PREX1: variants seen among roughly 807,000 people sequenced by gnomAD.
The protein encoded by PREX1 is phosphatidylinositol 3,4,5-trisphosphate-dependent Rac exchanger 1 protein.
A neutral mutation model predicts 198.3 loss-of-function variants in PREX1; 41 were observed. That is an observed-to-expected ratio of 0.21 (90% confidence interval 0.16 to 0.27). The LOEUF is 0.27. Ranked by LOEUF, PREX1 falls within the 10% of genes least tolerant of loss-of-function variation. The probability of loss-of-function intolerance (pLI) is 1.00; values close to 1 mark genes in which losing one functional copy is unlikely to be tolerated. For synonymous variants in PREX1, 843 were observed against 887.2 expected (o/e 0.95, Z 0.89); for missense variants, 1,620 against 2,200.7 (o/e 0.74, Z 5.28).
intron 31 of PREX1, among the ~76,000 whole-genome samples, chr20:48,636,940 A>G (rs1360449763): frequency 6.6e-6 from 1 of 152,214 alleles, no homozygotes; most frequent in Non-Finnish European, 1.5e-5. Context: ...CCAAACAAAC[A>G]AACAAACATC....
At chr20:48,670,008 C>A (rs191152599) in intron 14 of PREX1, among the ~76,000 whole-genome samples, 2 of 152,304 alleles carry the variant, frequency 1.3e-5, no homozygotes, top group Non-Finnish European at 2.9e-5. Flanking sequence ...TTCACTCAGA[C>A]TGTATGGTTG....
intron 6 of PREX1, among the ~76,000 whole-genome samples, chr20:48,705,879 AG>A (rs1260005402): frequency 6.6e-6 from 1 of 152,228 alleles, no homozygotes; most frequent in Non-Finnish European, 1.5e-5. Context: ...AAGGCACACC[AG>A]GCAGGACAAA....
intron 16 of PREX1, 145 bp from the exon 17 acceptor site, chr20:48,658,373 C>G: frequency 2.8e-6 from 2 of 724,394 alleles, no homozygotes; most frequent in Non-Finnish European, 4.6e-6. Flanking sequence ...GAGCAAAACG[C>G]AAACAGCACC....
chr20:48,778,709 T>C (rs1015618833), intron 1 of PREX1, among the ~76,000 whole-genome samples: 6 of 152,132 alleles, frequency 3.9e-5, no homozygotes, highest in Non-Finnish European at 7.3e-5. Context: ...CCCACACAAA[T>C]ATGGCCGTTT....
the PREX1 span, among the ~76,000 whole-genome samples, chr20:48,859,804 G>A: frequency 3.9e-5 from 6 of 152,198 alleles, no homozygotes; most frequent in South Asian, 2.1e-4. Flanking sequence ...GACCACCTGA[G>A]GTCAGGAGTT....
intron 14 of PREX1, among the ~76,000 whole-genome samples, chr20:48,667,001 A>T (rs2089645355): frequency 6.6e-6 from 1 of 152,104 alleles, no homozygotes. Flanking sequence ...CCTTGCAGCT[A>T]CAGGTGGCCA....
intron 1 of PREX1, among the ~76,000 whole-genome samples, chr20:48,782,243 G>C (rs900780355): frequency 1.3e-5 from 2 of 152,162 alleles, no homozygotes; most frequent in African/African-American, 4.8e-5. Context: ...TTGTGGGAGG[G>C]ACACAGTGGG....
At chr20:48,865,670 G>A in the PREX1 span, among the ~76,000 whole-genome samples, 9 of 152,162 alleles carry the variant, frequency 5.9e-5, no homozygotes, top group East Asian at 3.8e-4. Flanking sequence ...AATGAAGATC[G>A]AAGTTTCAAC....
chr20:48,638,716 C>T (rs989530913), intron 30 of PREX1, among the ~76,000 whole-genome samples: 6 of 152,160 alleles, frequency 3.9e-5, no homozygotes, highest in Admixed American at 3.9e-4. Context: ...GGAGTCACCA[C>T]GCCAGGCAGC....
intron 1 of PREX1, among the ~76,000 whole-genome samples, chr20:48,821,046 A>G (rs2090482156): frequency 6.6e-6 from 1 of 152,026 alleles, no homozygotes; most frequent in Non-Finnish European, 1.5e-5. Flanking sequence ...CTAAAAAAAT[A>G]CAAAAAGTAG....
intron 21 of PREX1, among the ~76,000 whole-genome samples, chr20:48,652,138 C>T (rs905267468): frequency 2.6e-5 from 4 of 152,176 alleles, no homozygotes; most frequent in Admixed American, 6.5e-5. Flanking sequence ...GACATAACAT[C>T]GTGGGCATCG....
intron 1 of PREX1, among the ~76,000 whole-genome samples, chr20:48,784,659 C>G (rs952967355): frequency 6.6e-6 from 1 of 152,186 alleles, no homozygotes; most frequent in South Asian, 2.1e-4. Flanking sequence ...GGTCAAGAAG[C>G]CGACCTGCCC....
chr20:48,742,156 T>C (rs1357745290), intron 3 of PREX1, among the ~76,000 whole-genome samples: 1 of 152,144 alleles, frequency 6.6e-6, no homozygotes, highest in Non-Finnish European at 1.5e-5. Flanking sequence ...GGAGCCCTGC[T>C]GAGGTGCAGG....
chr20:48,791,803 T>A (rs963005287), intron 1 of PREX1, among the ~76,000 whole-genome samples: 1 of 152,228 alleles, frequency 6.6e-6, no homozygotes, highest in Non-Finnish European at 1.5e-5. Flanking sequence ...ATGAAGTGTT[T>A]GTTAAAAATG....
chr20:48,629,871 C>T (rs79321849), intron 36 of PREX1, among the ~76,000 whole-genome samples: 8,326 of 152,264 alleles, frequency 0.055, 290 homozygotes, highest in Non-Finnish European at 0.081. Context: ...TCTAACCTTC[C>T]AACCTAATTC....
At position 48,827,053 on chromosome 20, in the gene PREX1, T is replaced by G. The variant is rs1331940770; in HGVS notation, c.219+589A>C. ...GGGGAGTTGGTGGGGGTGGATGCAGTTAGGGAGCCTGGACTGCCGAGTTTT... is the reference window on the plus strand; with the variant it reads ...GGGGAGTTGGTGGGGGTGGATGCAGGTAGGGAGCCTGGACTGCCGAGTTTT... On this transcript the variant is annotated intron_variant, in intron 1 of 39. Transcript: ENST00000371941. The surrounding 1 kb of genome is among the most constrained non-coding windows in gnomAD (Gnocchi z 4.1). Among the ~76,000 whole-genome samples the G allele has an allele frequency of 7.2e-5, 11 of 152,108 alleles. No individual in the cohort carries two copies. The highest frequency in any genetic ancestry group is 6.5e-4 in the Admixed American group (10 of 15,270).
At position 48,777,688 on chromosome 20, in the gene PREX1, C is replaced by T. The variant is rs563453779; in HGVS notation, c.220-29808G>A. Among the ~76,000 whole-genome samples, 7 of 152,232 alleles carry T rather than the reference C, an allele frequency of 4.6e-5. No individual in the cohort carries two copies. The South Asian group carries it at 6.2e-4, about 14-fold the overall frequency. On this transcript the variant is annotated intron_variant, in intron 1 of 39. Transcript: ENST00000371941. ...AAAGCCAAGCTGTATGGCTTGGGGC[C>T]GGCAGCTGTACCTCTCTGAGACTCT...
chr20:48,732,786 G>A (rs1601102407), intron 4 of PREX1, among the ~76,000 whole-genome samples: 2 of 152,150 alleles, frequency 1.3e-5, no homozygotes, highest in African/African-American at 2.4e-5. Context: ...AGTGCTGGCC[G>A]ATGGGACGTG....
intron 30 of PREX1, 137 bp downstream of exon 30, chr20:48,639,629 G>A: frequency 7.7e-7 from 1 of 1,296,428 alleles, no homozygotes; most frequent in Non-Finnish European, 1.1e-6. Context: ...CTGAGAGAGG[G>A]CATCACTTCT....
Sources: allele counts gnomAD v4.1 joint callset (sites outside exome capture counted in the v4.1 genomes callset), GRCh38; gene constraint gnomAD v4.1.1; non-coding constraint Gnocchi (gnomAD v3.1); transcripts MANE v1.5; gene names NCBI Gene and HGNC (gene_info 2026-07-23, HGNC 2026-07-21).